The following PXMP2 variants were observed in gnomAD, a reference collection of about 807,000 sequenced individuals.
The protein encoded by PXMP2 is 22 kDa peroxisomal membrane protein.
A neutral mutation model predicts 20.2 loss-of-function variants in PXMP2; 13 were observed. The ratio of observed to expected loss-of-function variants is 0.64; its 90% CI spans 0.42 to 1.02. The LOEUF (loss-of-function observed/expected upper bound fraction) is 1.02, where lower values mean the gene tolerates loss of function less well. Ranked by LOEUF, PXMP2 falls within the 50% of genes least tolerant of loss-of-function variation. The pLI, the probability that PXMP2 is intolerant of heterozygous loss-of-function variation, is 0.00. For synonymous variants in PXMP2, 113 were observed against 111.2 expected (o/e 1.02, Z -0.10); for missense variants, 284 against 251.8 (o/e 1.13, Z -0.87).
intron 4 of PXMP2, among the ~76,000 whole-genome samples, chr12:132,702,032 G>A (rs770642355): frequency 1.3e-5 from 2 of 152,192 alleles, no homozygotes; most frequent in Non-Finnish European, 2.9e-5. Flanking sequence ...GGAGGTTGGA[G>A]TGAGCTGAGA....
At chr12:132,695,230 G>T (rs1211090807) in intron 2 of PXMP2, among the ~76,000 whole-genome samples, 12 of 152,018 alleles carry the variant, frequency 7.9e-5, no homozygotes, top group Non-Finnish European at 1.6e-4. Flanking sequence ...GCCCTTGCCA[G>T]TTAGTGAGTG....
intron 3 of PXMP2, among the ~76,000 whole-genome samples, chr12:132,697,648 C>T (rs893760570): frequency 4.6e-5 from 7 of 151,992 alleles, no homozygotes; most frequent in South Asian, 2.1e-4. Flanking sequence ...CCTCGTGATC[C>T]GCCTGCCTTG....
In PXMP2 at chr12:132,687,704, G is replaced by C; in HGVS notation, c.34G>C (p.Ala12Pro). Reference protein sequence around the residue: ...APAASRLRAEAGLGALPRRAL... With the variant: ...APAASRLRAEPGLGALPRRAL... ...GGCCGCGTCCAGGCTGCGGGCCGAA[G>C]CCGGGCTCGGGGCGCTGCCGCGGCG... Residue 12 changes from alanine to proline, a missense_variant, in exon 1 of 5, where the codon GCC becomes CCC. Coordinates refer to ENST00000317479, the MANE Select transcript of PXMP2 (RefSeq NM_018663.3). 8.4e-7 allele frequency: 1 copy of C among 1,195,066 alleles called. No individual in the cohort carries two copies. The highest frequency in any genetic ancestry group is 1.0e-6 in the Non-Finnish European group (1 of 966,568). 74.0% of individuals were successfully genotyped at this position (1,195,066 alleles called of 1,614,324 possible).
chr12:132,704,219 A>AG (rs1174064388), intron 4 of PXMP2, among the ~76,000 whole-genome samples: 2 of 152,102 alleles, frequency 1.3e-5, no homozygotes, highest in Non-Finnish European at 2.9e-5. Context: ...GATGGGTTAG[A>AG]GGAGGGAAGG....
intron 1 of PXMP2, among the ~76,000 whole-genome samples, chr12:132,688,702 G>C (rs11608856): frequency 2.7e-4 from 1 of 3,756 alleles, no homozygotes; most frequent in African/African-American, 9.3e-4. Context: ...AGCGGGTCTT[G>C]GGGGCGCGGG....
chr12:132,700,393 C>G (rs915028662), intron 3 of PXMP2, among the ~76,000 whole-genome samples: 1 of 152,084 alleles, frequency 6.6e-6, no homozygotes, highest in African/African-American at 2.4e-5. Context: ...GAGGTGGTAT[C>G]TCCTTGTGGT....
chr12:132,697,834 G>T (rs1413152524), intron 3 of PXMP2, among the ~76,000 whole-genome samples: 2 of 152,144 alleles, frequency 1.3e-5, no homozygotes, highest in Non-Finnish European at 2.9e-5. Context: ...TCCGGGCCTG[G>T]AGGTTAACCT....
At chr12:132,688,054 C>A in intron 1 of PXMP2, 1 of 215,312 alleles carries the variant, frequency 4.6e-6, no homozygotes, top group Non-Finnish European at 8.5e-6. Context: ...CGCTGAGGTT[C>A]CACCCAAGGA....
chr12:132,703,671 G>A (rs1032797575), intron 4 of PXMP2, among the ~76,000 whole-genome samples: 2 of 152,158 alleles, frequency 1.3e-5, no homozygotes, highest in Admixed American at 1.3e-4. Flanking sequence ...GGCAAGTTTG[G>A]CCATGTGGAG....
intron 2 of PXMP2, among the ~76,000 whole-genome samples, chr12:132,692,221 C>A (rs1207979810): frequency 6.7e-6 from 1 of 149,626 alleles, no homozygotes; most frequent in Non-Finnish European, 1.5e-5. Context: ...TAGTGAGCGC[C>A]CTTAGCCAGT....
At chr12:132,687,881 C>G in intron 1 of PXMP2, 89 bp downstream of exon 1, 1 of 1,070,356 alleles carries the variant, frequency 9.3e-7, no homozygotes, top group Non-Finnish European at 1.1e-6. Context: ...GGGCCGGGAC[C>G]AGGCTGGGGG....
chr12:132,701,348 C>T lies in PXMP2; in HGVS notation c.498C>T (p.Asn166=). 6.2e-7 allele frequency: 1 copy of T among 1,613,004 alleles called. No individual in the cohort carries two copies. The highest frequency in any genetic ancestry group is 2.2e-5 in the East Asian group (1 of 44,792). Residue 166 remains asparagine, a synonymous_variant, in exon 4 of 5, where the codon AAC becomes AAT. Transcript: ENST00000317479. ...TGTGGACGCCACTACAGTTCATCAA[C>T]ATCAACTACGTCCCTCTGAAGGTGA... ...WRVWTPLQFI[N]INYVPLKFRV... is the part of the protein sequence containing the mutation.
intron 3 of PXMP2, among the ~76,000 whole-genome samples, chr12:132,697,638 C>T (rs935211701): frequency 6.6e-6 from 1 of 152,064 alleles, no homozygotes; most frequent in Non-Finnish European, 1.5e-5. Context: ...GAACTCCTGA[C>T]CTCGTGATCC....
At chr12:132,693,758 C>T (rs867897297) in intron 2 of PXMP2, among the ~76,000 whole-genome samples, 71 of 123,952 alleles carry the variant, frequency 5.7e-4, no homozygotes, top group African/African-American at 1.4e-3. Flanking sequence ...GCTCCCTTAG[C>T]CAGTTAGTTA....
In PXMP2 at chr12:132,704,775, T is replaced by C; in HGVS notation, c.*88T>C. 8.1e-7 allele frequency: 1 copy of C among 1,231,062 alleles called. No individual in the cohort carries two copies. The highest frequency in any genetic ancestry group is 1.5e-5 in the African/African-American group (1 of 67,372). The allele number at this position is 1,231,062 out of a possible 1,614,324, so 76.3% of individuals were successfully genotyped here. ...GAGAGCAGAACCAATCCAGTCAGGA[T>C]GTCACTGACTCTAAATCAGGTGATT... On this transcript the variant is annotated 3_prime_UTR_variant, in exon 5 of 5. Coordinates refer to ENST00000317479, the MANE Select transcript of PXMP2 (RefSeq NM_018663.3).
rs1411358857 is a variant in PXMP2 at position 132,693,828 on chromosome 12, T to C, written c.237-2056T>C. Among the ~76,000 whole-genome samples the C allele has an allele frequency of 3.0e-5, 3 of 100,238 alleles. No individual in the cohort carries two copies. In the East Asian group the frequency reaches 7.5e-4, roughly 25 times the overall value. 65.8% of individuals were successfully genotyped at this position (100,238 alleles called of 152,430 possible). On this transcript the variant is annotated intron_variant, in intron 2 of 4. Coordinates refer to ENST00000317479, the MANE Select transcript of PXMP2 (RefSeq NM_018663.3). Reference sequence around the variant, plus strand: ...TTAGCCAGTTAGTTAGTGAGCTCCCTTGCCAGTTAGTTAGTGAGCTCCCTT... The same window carrying C: ...TTAGCCAGTTAGTTAGTGAGCTCCCCTGCCAGTTAGTTAGTGAGCTCCCTT...
At chr12:132,690,184 G>C in intron 1 of PXMP2, 79 bp from the exon 2 acceptor site, 2 of 1,127,744 alleles carry the variant, frequency 1.8e-6, no homozygotes. Context: ...GCCTCAGAAC[G>C]GCCCTGCTAA....
At position 132,687,712 on chromosome 12, in the gene PXMP2, CG is replaced by C; in HGVS notation, c.46del (p.Ala16ArgfsTer39). 2 of 1,204,362 alleles carry C rather than the reference CG, an allele frequency of 1.7e-6. No individual in the cohort carries two copies. The highest frequency in any genetic ancestry group is 4.1e-5 in the East Asian group (1 of 24,524). 74.6% of individuals were successfully genotyped at this position (1,204,362 alleles called of 1,614,324 possible). ...ASRLRAEAGL[G>X]ALPRRALAQY... The stretch of plus-strand genomic sequence containing the variant: ...CCAGGCTGCGGGCCGAAGCCGGGCT[CG>C]GGGCGCTGCCGCGGCGGGCGCTCGC... On this transcript the variant is annotated frameshift_variant, in exon 1 of 5. Transcript: ENST00000317479. LOFTEE classifies it high-confidence loss of function.
At position 132,687,626 on chromosome 12, in the gene PXMP2, C is replaced by T. The variant is rs905545786; in HGVS notation, c.-45C>T. ...GCCTCGGGCTCCGCGCCCGGCCAGC[C>T]TGAGGTGGGGTCGGTGCCCCCGGCG... On this transcript the variant is annotated 5_prime_UTR_variant, in exon 1 of 5. Coordinates refer to ENST00000317479, the MANE Select transcript of PXMP2 (RefSeq NM_018663.3). The T allele has an allele frequency of 3.4e-6, 4 of 1,159,722 alleles. No individual in the cohort carries two copies. Among genetic ancestry groups the T allele is most frequent in the Non-Finnish European group, 4.2e-6 (4 of 942,452 alleles). 71.8% of individuals were successfully genotyped at this position (1,159,722 alleles called of 1,614,324 possible).
Sources: gnomAD v4.1 joint callset for allele counts (sites outside exome capture counted in the v4.1 genomes callset) on GRCh38, gnomAD v4.1.1 for gene constraint, MANE v1.5 for transcripts, NCBI Gene and HGNC (gene_info 2026-07-23, HGNC 2026-07-21) for gene names.